Variants in MAGI2 observed in about 807,000 individuals in gnomAD.
MAGI2 encodes the protein membrane associated guanylate kinase, WW and PDZ domain containing 2.
MAGI2 carries 35 observed loss-of-function variants against 133.3 expected under a neutral mutation model. The observed-to-expected ratio is 0.26, with a 90% CI of 0.20 to 0.35. The LOEUF (loss-of-function observed/expected upper bound fraction) is 0.35. Among genes scored for constraint, MAGI2 ranks in the 10% least tolerant of loss-of-function variants. The pLI is 1.00. For synonymous variants in MAGI2, 729 were observed against 710.6 expected (o/e 1.03, Z -0.41); for missense variants, 1,636 against 1,863.4 (o/e 0.88, Z 2.25).
chr7:79,257,162 TATA>T (rs139953168), intron 1 of MAGI2, among the ~76,000 whole-genome samples: 89 of 151,782 alleles, frequency 5.9e-4, no homozygotes, highest in East Asian at 2.1e-3. Context: ...ATCTATCAGT[TATA>T]ATAATAATAA....
At chr7:79,102,756 G>A (rs554804236) in intron 1 of MAGI2, among the ~76,000 whole-genome samples, 1 of 152,322 alleles carries the variant, frequency 6.6e-6, no homozygotes, top group South Asian at 2.1e-4. Flanking sequence ...GAAAGAAAGA[G>A]AGAAAAGGAT....
At chr7:78,333,501 A>AT (rs1789445152) in intron 9 of MAGI2, among the ~76,000 whole-genome samples, 1 of 152,200 alleles carries the variant, frequency 6.6e-6, no homozygotes, top group Admixed American at 6.5e-5. Context: ...GAAAAGTTGC[A>AT]TTTCTCTGAT....
chr7:78,573,229 TATAA>T (rs1440370682), intron 3 of MAGI2, among the ~76,000 whole-genome samples: 1,594 of 67,678 alleles, frequency 0.024, 108 homozygotes, highest in African/African-American at 0.11. Context: ...TATATATAAA[TATAA>T]ATATATATAT....
At chr7:78,534,764 T>C (rs2150638198) in intron 3 of MAGI2, among the ~76,000 whole-genome samples, 1 of 152,282 alleles carries the variant, frequency 6.6e-6, no homozygotes, top group Middle Eastern at 3.4e-3. Context: ...TTCCTGCTTC[T>C]GATAGTGGGG....
At chr7:78,505,019 T>G (rs191666774) in intron 4 of MAGI2, among the ~76,000 whole-genome samples, 1 of 152,162 alleles carries the variant, frequency 6.6e-6, no homozygotes, top group Non-Finnish European at 1.5e-5. Flanking sequence ...ACTGCAAGGA[T>G]GTACAACAGA....
intron 16 of MAGI2, among the ~76,000 whole-genome samples, chr7:78,154,752 C>T (rs1285653635): frequency 6.6e-6 from 1 of 152,102 alleles, no homozygotes; most frequent in African/African-American, 2.4e-5. Context: ...TTCTTGGGAA[C>T]CTCTGGTGGG....
chr7:78,168,340 G>C (rs928662223), intron 14 of MAGI2, among the ~76,000 whole-genome samples: 1 of 152,042 alleles, frequency 6.6e-6, no homozygotes, highest in African/African-American at 2.4e-5. Flanking sequence ...TCAAATCTGA[G>C]CATGCACTTG....
intron 2 of MAGI2, among the ~76,000 whole-genome samples, chr7:78,953,770 A>G (rs1377352761): frequency 1.3e-5 from 2 of 152,262 alleles, no homozygotes; most frequent in South Asian, 2.1e-4. Context: ...AATTTTCTTT[A>G]AAGCTGATTC....
intron 3 of MAGI2, among the ~76,000 whole-genome samples, chr7:78,602,503 G>A (rs1319360801): frequency 6.6e-6 from 1 of 151,360 alleles, no homozygotes; most frequent in Admixed American, 6.6e-5. Context: ...TCTTGTCTTG[G>A]ATGCTTTGAA....
chr7:79,239,093 C>T (rs73147391), intron 1 of MAGI2, among the ~76,000 whole-genome samples: 8,742 of 152,180 alleles, frequency 0.057, 450 homozygotes, highest in East Asian at 0.19. Flanking sequence ...TGCACTTGCA[C>T]ACCATGTTTT....
intron 3 of MAGI2, among the ~76,000 whole-genome samples, chr7:78,551,655 T>G (rs1799344212): frequency 6.6e-6 from 1 of 152,350 alleles, no homozygotes; most frequent in African/African-American, 2.4e-5. Context: ...GAGGGTAACT[T>G]CTCATCCAGC....
At chr7:78,697,062 A>T (rs1817594805) in intron 2 of MAGI2, among the ~76,000 whole-genome samples, 1 of 152,214 alleles carries the variant, frequency 6.6e-6, no homozygotes, top group Non-Finnish European at 1.5e-5. Context: ...TGTTATCACA[A>T]GGTGAAACTA....
chr7:78,983,547 A>G (rs997677216), intron 2 of MAGI2, among the ~76,000 whole-genome samples: 5 of 151,892 alleles, frequency 3.3e-5, no homozygotes, highest in African/African-American at 1.2e-4. Flanking sequence ...TGACTAAAAC[A>G]CTTATGCCAA....
chr7:79,416,490 T>G (rs1846522907), intron 1 of MAGI2, among the ~76,000 whole-genome samples: 1 of 151,904 alleles, frequency 6.6e-6, no homozygotes, highest in Non-Finnish European at 1.5e-5. Flanking sequence ...TACTAGTAAT[T>G]TTTAGGTGAT....
At chr7:78,285,182 C>T (rs971596442) in intron 9 of MAGI2, among the ~76,000 whole-genome samples, 1 of 152,056 alleles carries the variant, frequency 6.6e-6, no homozygotes, top group African/African-American at 2.4e-5. Flanking sequence ...CCAACAAATA[C>T]CAAAACCTCC....
intron 3 of MAGI2, among the ~76,000 whole-genome samples, chr7:78,577,059 T>C (rs939743135): frequency 1.3e-5 from 2 of 152,238 alleles, no homozygotes; most frequent in Non-Finnish European, 2.9e-5. Flanking sequence ...CACAGGATAT[T>C]GCTTTCCTCT....
chr7:78,701,768 T>C (rs1563376203), intron 2 of MAGI2, among the ~76,000 whole-genome samples: 1 of 152,024 alleles, frequency 6.6e-6, no homozygotes, highest in African/African-American at 2.4e-5. Flanking sequence ...TATACTTGTT[T>C]ATTCTCCCAA....
chr7:78,890,780 G>T (rs1170573717), intron 2 of MAGI2, among the ~76,000 whole-genome samples: 1 of 152,160 alleles, frequency 6.6e-6, no homozygotes, highest in Non-Finnish European at 1.5e-5. Flanking sequence ...AAGCAGGAAA[G>T]ATCTAAAATT....
At chr7:78,129,574 G>GT (rs1821334033) in intron 18 of MAGI2, among the ~76,000 whole-genome samples, 1 of 152,140 alleles carries the variant, frequency 6.6e-6, no homozygotes. Context: ...GTTCTAGCAG[G>GT]TTTTTTGTGG....
Sources: allele counts gnomAD v4.1 joint callset (sites outside exome capture counted in the v4.1 genomes callset), GRCh38; gene constraint gnomAD v4.1.1; transcripts MANE v1.5; gene names NCBI Gene and HGNC (gene_info 2026-07-23, HGNC 2026-07-21).